Variants in CDS2 observed in about 807,000 individuals in gnomAD.
CDS2 encodes the protein CDP-diacylglycerol synthase 2, also known as phosphatidate cytidylyltransferase 2.
In CDS2, 47 loss-of-function variants were observed where a neutral mutation model predicts 59.0. The ratio of observed to expected loss-of-function variants is 0.80; its 90% CI spans 0.63 to 1.02. The LOEUF (loss-of-function observed/expected upper bound fraction) is 1.02. Among genes scored for constraint, CDS2 ranks in the 50% least tolerant of loss-of-function variants. The probability of loss-of-function intolerance (pLI) is 0.00; values close to 1 mark genes in which losing one functional copy is unlikely to be tolerated. For missense variants in CDS2, 356 were observed against 558.9 expected (o/e 0.64, Z 3.66); for synonymous variants, 207 against 206.4 (o/e 1.00, Z -0.02).
At chr20:5,140,158 A>G (rs1025432577) in intron 1 of CDS2, among the ~76,000 whole-genome samples, 1 of 152,130 alleles carries the variant, frequency 6.6e-6, no homozygotes, top group Admixed American at 6.5e-5. Flanking sequence ...ATATAGCATC[A>G]TTTTTATTGA....
At chr20:5,146,910 C>A (rs1043331685) in intron 1 of CDS2, among the ~76,000 whole-genome samples, 17 of 152,276 alleles carry the variant, frequency 1.1e-4, no homozygotes. Context: ...TGGCTTCTAT[C>A]TCTAGTATAG....
intron 1 of CDS2, among the ~76,000 whole-genome samples, chr20:5,135,406 T>C (rs553157905): frequency 6.6e-6 from 1 of 152,352 alleles, no homozygotes; most frequent in South Asian, 2.1e-4. Context: ...CCAGCCCTTC[T>C]GGACTGGCAC....
rs538642386 is a variant in CDS2 at position 5,152,939 on chromosome 20, G to A, written c.58-20584G>A. ...CATTTAGTATGCATTTGTACCACAC[G>A]GGCATTGTTGCTTTGTGTTTTAGGT... On this transcript the variant is annotated intron_variant, in intron 1 of 12. Coordinates refer to ENST00000460006, the MANE Select transcript of CDS2 (RefSeq NM_003818.4). Among the ~76,000 whole-genome samples the A allele has an allele frequency of 1.4e-4, 21 of 152,246 alleles. No individual in the cohort carries two copies. In the East Asian group the frequency reaches 3.9e-3, roughly 28 times the overall value.
chr20:5,176,893 T>C (rs2090999075), intron 4 of CDS2, 148 bp downstream of exon 4: 2 of 642,416 alleles, frequency 3.1e-6, no homozygotes, highest in South Asian at 3.6e-5. Context: ...CAAAGTTTCA[T>C]GAAGAAAATG....
chr20:5,182,717 C>T (rs966175253), intron 6 of CDS2, among the ~76,000 whole-genome samples: 1 of 152,248 alleles, frequency 6.6e-6, no homozygotes, highest in Non-Finnish European at 1.5e-5. Flanking sequence ...GCTTCAGACA[C>T]TGCCCACAGA....
intron 1 of CDS2, among the ~76,000 whole-genome samples, chr20:5,170,290 A>G (rs185767882): frequency 6.6e-6 from 1 of 152,154 alleles, no homozygotes; most frequent in East Asian, 1.9e-4. Context: ...AGCATGTACC[A>G]CCTTTCTTGT....
chr20:5,151,388 AAATT>A (rs1214694018), intron 1 of CDS2, among the ~76,000 whole-genome samples: 1 of 152,208 alleles, frequency 6.6e-6, no homozygotes, highest in Non-Finnish European at 1.5e-5. Context: ...TAGTAGATAA[AAATT>A]AATGTTTACT....
intron 5 of CDS2, among the ~76,000 whole-genome samples, chr20:5,180,531 G>A (rs915305860): frequency 2.0e-5 from 3 of 152,072 alleles, no homozygotes; most frequent in Non-Finnish European, 2.9e-5. Context: ...TTGGAGTGTA[G>A]CAATTAGGAC....
rs1450549695 is a variant in CDS2 at position 5,178,829 on chromosome 20, G to A, written c.402G>A (p.Leu134=). The part of the protein sequence containing the change: ...WFRTLSWYFL[L]CVNYFFYGET... ...TCTTCATTTACAGGTACTTTCTCCT[G>A]TGTGTAAACTATTTCTTCTATGGTG... The change falls in exon 5 of 13, where the codon CTG becomes CTA. Residue 134 remains leucine, a synonymous_variant. Transcript: ENST00000460006. The A allele has an allele frequency of 6.2e-7, 1 of 1,614,160 alleles. No homozygotes were observed. Among genetic ancestry groups the A allele is most frequent in the Non-Finnish European group, 8.5e-7 (1 of 1,180,022 alleles).
intron 1 of CDS2, among the ~76,000 whole-genome samples, chr20:5,143,896 C>G (rs2069947338): frequency 6.6e-6 from 1 of 151,802 alleles, no homozygotes. Context: ...TCCCGAGTAG[C>G]TGGGACTTCA....
intron 9 of CDS2, 41 bp downstream of exon 9, chr20:5,185,867 A>T (rs2091063808): frequency 6.3e-7 from 1 of 1,575,626 alleles, no homozygotes; most frequent in African/African-American, 1.3e-5. Flanking sequence ...TTGGGTGGAC[A>T]GAGGCCTCAT....
rs747661716 is a variant in CDS2, at chr20:5,190,258, A to G, written c.*24A>G. The G allele has an allele frequency of 6.2e-7, 1 of 1,609,478 alleles. No individual in the cohort carries two copies. The highest frequency in any genetic ancestry group is 8.5e-7 in the Non-Finnish European group (1 of 1,177,522). ...AGGGGCCACCCAGGGCCAGGAGAACAGGAACAGAACTGAGCAGGGGCAGGT... is the reference window on the plus strand; with the variant it reads ...AGGGGCCACCCAGGGCCAGGAGAACGGGAACAGAACTGAGCAGGGGCAGGT... On this transcript the variant is annotated 3_prime_UTR_variant, in exon 13 of 13. Transcript: ENST00000460006.
At chr20:5,188,627 G>T (rs1020686171) in intron 10 of CDS2, among the ~76,000 whole-genome samples, 7 of 150,522 alleles carry the variant, frequency 4.7e-5, no homozygotes, top group African/African-American at 1.7e-4. Flanking sequence ...AGTGTTGATA[G>T]AACACTTGGG....
Position 5,192,202 on chromosome 20 carries a change from T to C in CDS2, c.*1968T>C, listed in dbSNP as rs1471594157. 6.6e-6 allele frequency: 1 copy of C among 152,198 alleles called. No individual in the cohort carries two copies. Among genetic ancestry groups the C allele is most frequent in the Non-Finnish European group, 1.5e-5 (1 of 68,140 alleles). The allele number at this position is 152,198 out of a possible 1,614,324, so 9.4% of individuals were successfully genotyped here. A position where few individuals can be genotyped will look rare whatever the true frequency, so the allele number is the denominator to read the frequency against. The stretch of plus-strand genomic sequence containing the variant: ...TCTCTTTTGTCCCATTGTGGGCATA[T>C]GGTGGGCTCCTTGAGAGGAGGGAGT... On this transcript the variant is annotated 3_prime_UTR_variant, in exon 13 of 13. Coordinates refer to ENST00000460006, the MANE Select transcript of CDS2 (RefSeq NM_003818.4).
intron 1 of CDS2, among the ~76,000 whole-genome samples, chr20:5,146,376 A>G (rs1397085289): frequency 1.3e-5 from 2 of 152,154 alleles, no homozygotes; most frequent in African/African-American, 2.4e-5. Context: ...AACCGATGAA[A>G]GAGTCAGGAG....
At chr20:5,167,078 CTCCGAG>C in intron 1 of CDS2, among the ~76,000 whole-genome samples, 1 of 152,220 alleles carries the variant, frequency 6.6e-6, no homozygotes, top group Non-Finnish European at 1.5e-5. Context: ...ACATGGCTGA[CTCCGAG>C]TGTGGCTGTC....
rs2091163976 is a variant in CDS2 at position 5,197,200 on chromosome 20, C to A, written c.*6966C>A. 6.7e-6 allele frequency: 1 copy of A among 149,586 alleles called. No homozygotes were observed. Among genetic ancestry groups the A allele is most frequent in the Admixed American group, 6.6e-5 (1 of 15,046 alleles). 9.3% of individuals were successfully genotyped at this position (149,586 alleles called of 1,614,324 possible). A position where few individuals can be genotyped will look rare whatever the true frequency, so the allele number is the denominator to read the frequency against. ...CAGGAGGGTAAGATCAGATGGGAAGCCCCTCTGTTGAAGGATCTTGGGAAC... is the reference window on the plus strand; with the variant it reads ...CAGGAGGGTAAGATCAGATGGGAAGACCCTCTGTTGAAGGATCTTGGGAAC... On this transcript the variant is annotated 3_prime_UTR_variant, in exon 13 of 13. Transcript: ENST00000460006.
chr20:5,161,540 A>G (rs1568535934), intron 1 of CDS2, among the ~76,000 whole-genome samples: 3 of 152,276 alleles, frequency 2.0e-5, no homozygotes, highest in Admixed American at 6.5e-5. Flanking sequence ...CAATCCATTG[A>G]TAACTGACAC....
chr20:5,148,246 G>C (rs1447925591), intron 1 of CDS2, among the ~76,000 whole-genome samples: 1 of 152,180 alleles, frequency 6.6e-6, no homozygotes, highest in Non-Finnish European at 1.5e-5. Context: ...AGGTGGCACA[G>C]GTACCAGTGT....
Sources: gnomAD v4.1 joint callset for allele counts (sites outside exome capture counted in the v4.1 genomes callset) on GRCh38, gnomAD v4.1.1 for gene constraint, MANE v1.5 for transcripts, NCBI Gene and HGNC (gene_info 2026-07-23, HGNC 2026-07-21) for gene names.